The following CEMIP variants were observed in gnomAD, a reference collection of about 807,000 sequenced individuals.
CEMIP encodes cell migration inducing hyaluronidase 1.
CEMIP carries 105 observed loss-of-function variants against 156.9 expected under a neutral mutation model. The ratio of observed to expected loss-of-function variants is 0.67; its 90% CI spans 0.57 to 0.79. CEMIP has a LOEUF of 0.79. Ranked by LOEUF, CEMIP falls within the 30% of genes least tolerant of loss-of-function variation. The probability of loss-of-function intolerance (pLI) is 0.00; values close to 1 mark genes in which losing one functional copy is unlikely to be tolerated. For missense variants in CEMIP, 1,457 were observed against 1,769.4 expected (o/e 0.82, Z 3.17); for synonymous variants, 676 against 668.4 (o/e 1.01, Z -0.17).
intron 6 of CEMIP, among the ~76,000 whole-genome samples, chr15:80,883,416 G>T (rs1392284350): frequency 6.6e-6 from 1 of 152,116 alleles, no homozygotes; most frequent in Non-Finnish European, 1.5e-5. Flanking sequence ...CAAAATACTG[G>T]ATAGTACACT....
At chr15:80,833,019 G>C (rs1297072157) in intron 1 of CEMIP, among the ~76,000 whole-genome samples, 4 of 152,166 alleles carry the variant, frequency 2.6e-5, no homozygotes, top group African/African-American at 9.7e-5. Flanking sequence ...GAGAGAGAGA[G>C]ACCCCAGTGG....
intron 12 of CEMIP, chr15:80,896,458 C>A: frequency 2.3e-6 from 1 of 441,490 alleles, no homozygotes; most frequent in Non-Finnish European, 4.5e-6. Context: ...CATGGTAAAG[C>A]ACAACACAAA....
chr15:80,782,924 T>C (rs1235010675), intron 1 of CEMIP, among the ~76,000 whole-genome samples: 1 of 152,208 alleles, frequency 6.6e-6, no homozygotes, highest in Non-Finnish European at 1.5e-5. Context: ...AAGAAAACTA[T>C]TGAACTACAG....
intron 1 of CEMIP, among the ~76,000 whole-genome samples, chr15:80,855,270 C>T (rs554523833): frequency 6.6e-6 from 1 of 152,228 alleles, no homozygotes; most frequent in East Asian, 1.9e-4. Flanking sequence ...GCTTACCTCA[C>T]TCTTCCTCAA....
At chr15:80,942,762 T>C (rs1363835350) in intron 27 of CEMIP, among the ~76,000 whole-genome samples, 183 bp from the exon 28 acceptor site, 7 of 152,220 alleles carry the variant, frequency 4.6e-5, no homozygotes, top group Non-Finnish European at 1.0e-4. Flanking sequence ...GACATAACTT[T>C]TGCAGGGCCA....
chr15:80,781,265 A>G (rs1449862940), intron 1 of CEMIP, among the ~76,000 whole-genome samples: 1 of 152,252 alleles, frequency 6.6e-6, no homozygotes, highest in Non-Finnish European at 1.5e-5. Flanking sequence ...TAATGATAGA[A>G]TGGAGAAGAA....
chr15:80,889,504 A>C lies in CEMIP; in HGVS notation c.998A>C (p.Lys333Thr). 1 of 1,614,198 alleles carries C rather than the reference A, an allele frequency of 6.2e-7. No individual in the cohort carries two copies. Among genetic ancestry groups the C allele is most frequent in the East Asian group, 2.2e-5 (1 of 44,880 alleles). ...TGGACGGAGTGGTTCGATCATGATA[A>C]AGTATCTCAGACTAAAGGTGGGGAG... The part of the protein sequence containing the change: ...VEWTEWFDHD[K>T]VSQTKGGEKI... Residue 333 changes from lysine to threonine, a missense_variant, in exon 10 of 30, where the codon AAA becomes ACA. By Grantham distance (78) the Lys-to-Thr change is moderately conservative. Coordinates refer to ENST00000394685, the MANE Select transcript of CEMIP (RefSeq NM_001293298.2).
intron 10 of CEMIP, among the ~76,000 whole-genome samples, chr15:80,892,816 C>A (rs1332552777): frequency 6.6e-6 from 1 of 152,200 alleles, no homozygotes; most frequent in Non-Finnish European, 1.5e-5. Context: ...TAATTATTTC[C>A]TCATGGGCAT....
chr15:80,783,921 T>C (rs536340360), intron 1 of CEMIP, among the ~76,000 whole-genome samples: 122 of 152,342 alleles, frequency 8.0e-4, no homozygotes, highest in Non-Finnish European at 1.6e-3. Flanking sequence ...GAGGAGCTGC[T>C]ACTCCTCTCT....
At chr15:80,851,256 C>G (rs1897708665) in intron 1 of CEMIP, among the ~76,000 whole-genome samples, 1 of 152,166 alleles carries the variant, frequency 6.6e-6, no homozygotes, top group South Asian at 2.1e-4. Context: ...AAAGGGTGAA[C>G]AGGAGACAGG....
At chr15:80,909,335 T>C (rs1899951419) in intron 14 of CEMIP, 29 bp downstream of exon 14, 1 of 1,605,230 alleles carries the variant, frequency 6.2e-7, no homozygotes, top group South Asian at 1.1e-5. Flanking sequence ...CAGGGAACTC[T>C]GGGGATGGGC....
chr15:80,817,602 A>AAATAATAATAAT (rs59356064), intron 1 of CEMIP, among the ~76,000 whole-genome samples: 1,717 of 138,746 alleles, frequency 0.012, 14 homozygotes, highest in Admixed American at 0.017. Context: ...CCCTGTCTCA[A>AAATAATAATAAT]AATAATAATA....
intron 1 of CEMIP, among the ~76,000 whole-genome samples, chr15:80,860,810 C>T (rs992488242): frequency 1.3e-5 from 2 of 152,106 alleles, no homozygotes; most frequent in African/African-American, 2.4e-5. Flanking sequence ...CCCCTCTGCC[C>T]TCTGACCTCA....
intron 3 of CEMIP, among the ~76,000 whole-genome samples, chr15:80,875,395 T>C (rs1035817783): frequency 6.6e-6 from 1 of 152,200 alleles, no homozygotes; most frequent in East Asian, 1.9e-4. Context: ...TTTATTCATT[T>C]GTCTTTCTTT....
At position 80,880,981 on chromosome 15, in the gene CEMIP, T is replaced by C. The variant is rs1265835716; in HGVS notation, c.462T>C (p.His154=). The C allele has an allele frequency of 1.9e-6, 3 of 1,614,100 alleles. No homozygotes were observed. The highest frequency in any genetic ancestry group is 2.5e-6 in the Non-Finnish European group (3 of 1,180,040). The part of the protein sequence containing the change: ...GVGKGGALEL[H]GQKKLSWTFL... Reference sequence around the variant, plus strand: ...GTAAAGGAGGCGCTCTTGAGTTGCATGGACAGAAAAAGCTCTCCTGGACAT... The same window carrying C: ...GTAAAGGAGGCGCTCTTGAGTTGCACGGACAGAAAAAGCTCTCCTGGACAT... The change falls in exon 6 of 30, where the codon CAT becomes CAC. Residue 154 remains histidine (H), a synonymous_variant. Transcript: ENST00000394685.
At chr15:80,939,822 T>C (rs1161820529) in intron 25 of CEMIP, among the ~76,000 whole-genome samples, 1 of 152,240 alleles carries the variant, frequency 6.6e-6, no homozygotes, top group East Asian at 1.9e-4. Context: ...TTGTTTCTTA[T>C]ACTCAGAGCA....
intron 12 of CEMIP, chr15:80,900,930 T>C: frequency 2.2e-6 from 1 of 455,502 alleles, no homozygotes; most frequent in Non-Finnish European, 4.4e-6. Flanking sequence ...CCAGATTTCA[T>C]TCTACAGGAC....
Position 80,949,080 on chromosome 15 carries a change from C to A in CEMIP, c.*156C>A. On this transcript the variant is annotated 3_prime_UTR_variant, in exon 30 of 30. Coordinates refer to ENST00000394685, the MANE Select transcript of CEMIP (RefSeq NM_001293298.2). ...TGGGCCAAGGGAAGGCTATCAGAGA[C>A]CCTGGTGCTGCCACCTGCCCCTACT... The A allele has an allele frequency of 2.0e-6, 2 of 989,348 alleles. No homozygotes were observed. Among genetic ancestry groups the A allele is most frequent in the Non-Finnish European group, 1.6e-6 (1 of 637,244 alleles). 61.3% of individuals were successfully genotyped at this position (989,348 alleles called of 1,614,324 possible). A position where few individuals can be genotyped will look rare whatever the true frequency, so the allele number is the denominator to read the frequency against.
intron 1 of CEMIP, among the ~76,000 whole-genome samples, chr15:80,851,598 T>C (rs944372763): frequency 6.6e-6 from 1 of 152,084 alleles, no homozygotes; most frequent in African/African-American, 2.4e-5. Context: ...AAAGGCTTGA[T>C]GGGTAGTAGA....
Sources: gnomAD v4.1 joint callset for allele counts (sites outside exome capture counted in the v4.1 genomes callset) on GRCh38, gnomAD v4.1.1 for gene constraint, MANE v1.5 for transcripts, NCBI Gene and HGNC (gene_info 2026-07-23, HGNC 2026-07-21) for gene names.